The following KIAA0319L variants were observed in gnomAD, a reference collection of about 807,000 sequenced individuals.
KIAA0319L encodes the protein dyslexia-associated protein KIAA0319-like protein.
A neutral mutation model predicts 120.1 loss-of-function variants in KIAA0319L; 55 were observed. The observed-to-expected ratio is 0.46, with a 90% confidence interval of 0.37 to 0.57. The LOEUF is 0.57. Ranked by LOEUF, KIAA0319L falls within the 20% of genes least tolerant of loss-of-function variation. KIAA0319L has a pLI of 0.00. For missense variants in KIAA0319L, 1,049 were observed against 1,255.3 expected (o/e 0.84, Z 2.48); for synonymous variants, 398 against 471.9 (o/e 0.84, Z 2.03).
At chr1:35,439,595 A>G (rs1641051660) in intron 20 of KIAA0319L, 1 of 152,356 alleles carries the variant, frequency 6.6e-6, no homozygotes. Flanking sequence ...ATGTGAGAGA[A>G]AGGTGAGCAC....
At chr1:35,485,439 AT>A (rs1179214202) in intron 3 of KIAA0319L, among the ~76,000 whole-genome samples, 1 of 152,156 alleles carries the variant, frequency 6.6e-6, no homozygotes, top group Non-Finnish European at 1.5e-5. Flanking sequence ...CTATCTGTAT[AT>A]TGCCTGAGGA....
At chr1:35,517,917 A>G (rs780153197) in intron 2 of KIAA0319L, among the ~76,000 whole-genome samples, 3 of 152,240 alleles carry the variant, frequency 2.0e-5, no homozygotes, top group Non-Finnish European at 2.9e-5. Flanking sequence ...GGACATTAAC[A>G]CACACTTTTC....
intron 4 of KIAA0319L, among the ~76,000 whole-genome samples, chr1:35,477,666 C>CAA (rs34588440): frequency 1.8e-3 from 101 of 55,208 alleles, no homozygotes; most frequent in Middle Eastern, 0.01. Flanking sequence ...GACTCTGTCT[C>CAA]AAAAAAAAAA....
rs189191887 is a variant in KIAA0319L at position 35,474,298 on chromosome 1, A to T, written c.1015+507T>A. On this transcript the variant is annotated intron_variant, in intron 5 of 20. Coordinates refer to ENST00000325722, the MANE Select transcript of KIAA0319L (RefSeq NM_024874.5). ...TTATCTGTGTGAATCTAAGTAAATG[A>T]CTTCTCTTAATTTCCATTTCTTTCT... is the stretch of plus-strand genomic sequence containing the variant. Among the ~76,000 whole-genome samples the T allele has an allele frequency of 3.3e-3, 504 of 152,290 alleles. 2 individuals carry two copies. Among genetic ancestry groups the T allele is most frequent in the Non-Finnish European group, 4.6e-3 (316 of 68,028 alleles).
At chr1:35,488,708 A>C (rs1644477944) in intron 3 of KIAA0319L, among the ~76,000 whole-genome samples, 1 of 152,244 alleles carries the variant, frequency 6.6e-6, no homozygotes, top group African/African-American at 2.4e-5. Flanking sequence ...GGAAGAAGGA[A>C]AAGGACCAGG....
intron 3 of KIAA0319L, among the ~76,000 whole-genome samples, chr1:35,487,714 T>C (rs1330803291): frequency 6.6e-6 from 1 of 152,232 alleles, no homozygotes; most frequent in Non-Finnish European, 1.5e-5. Context: ...CCATAAGACT[T>C]CATATATCTG....
intron 9 of KIAA0319L, among the ~76,000 whole-genome samples, chr1:35,459,895 A>G (rs1270098951): frequency 4.6e-5 from 7 of 152,216 alleles, no homozygotes; most frequent in Non-Finnish European, 8.8e-5. Context: ...ACCACTAGTC[A>G]AACATAAAGA....
At chr1:35,542,685 CACTA>C (rs1357218808) in intron 2 of KIAA0319L, among the ~76,000 whole-genome samples, 1 of 152,218 alleles carries the variant, frequency 6.6e-6, no homozygotes, top group Non-Finnish European at 1.5e-5. Flanking sequence ...AGTGTCCAAA[CACTA>C]ACCACACACA....
intron 2 of KIAA0319L, among the ~76,000 whole-genome samples, chr1:35,519,578 G>A (rs1416892461): frequency 6.6e-6 from 1 of 152,122 alleles, no homozygotes; most frequent in African/African-American, 2.4e-5. Flanking sequence ...TGACCTTCCT[G>A]AACCTCACAC....
Position 35,554,431 on chromosome 1 carries a change from A to G in KIAA0319L, c.61T>C (p.Trp21Arg). 6.2e-7 allele frequency: 1 copy of G among 1,613,450 alleles called. No homozygotes were observed. Among genetic ancestry groups the G allele is most frequent in the Non-Finnish European group, 8.5e-7 (1 of 1,179,808 alleles). ...PASWILSGYY[W>R]QTSAKWLRSL... The stretch of plus-strand genomic sequence containing the variant: ...CTCAACCACTTCGCAGATGTCTGCC[A>G]ATAATATCCTGATAAAATCCAGGAA... The change falls in exon 2 of 21, where the codon TGG becomes CGG. Residue 21 changes from tryptophan (W) to arginine (R), a missense_variant. Trp to Arg is a moderately radical substitution (Grantham distance 101). Transcript: ENST00000325722.
chr1:35,492,319 G>A (rs182916917), intron 3 of KIAA0319L, among the ~76,000 whole-genome samples: 1 of 152,060 alleles, frequency 6.6e-6, no homozygotes, highest in Admixed American at 6.5e-5. Context: ...TTCAAGACCA[G>A]CCTGACCAAT....
intron 2 of KIAA0319L, among the ~76,000 whole-genome samples, chr1:35,553,615 G>A (rs1647482566): frequency 6.6e-6 from 1 of 152,190 alleles, no homozygotes; most frequent in South Asian, 2.1e-4. Flanking sequence ...AAGGTTTTTG[G>A]TCACTGGCCA....
intron 19 of KIAA0319L, 104 bp downstream of exon 19, chr1:35,442,142 A>G: frequency 1.2e-6 from 1 of 858,326 alleles, no homozygotes. Context: ...ATGCTGACTA[A>G]GGACCCAGCC....
In KIAA0319L at chr1:35,471,944, A is replaced by G. The variant is rs571625409; in HGVS notation, c.1016-984T>C. ...CTCCAAAACAAGAATTTTTTTGGCC[A>G]GTTGTCAGCGCCAACAGCTCTCACA... is the stretch of plus-strand genomic sequence containing the variant. On this transcript the variant is annotated intron_variant, in intron 5 of 20. Transcript: ENST00000325722. Among the ~76,000 whole-genome samples the G allele has an allele frequency of 4.6e-5, 7 of 152,252 alleles. No individual in the cohort carries two copies. In the South Asian group the frequency reaches 1.0e-3, roughly 23 times the overall value.
At chr1:35,455,573 ATTTTTTTTT>A (rs551358599) in intron 10 of KIAA0319L, among the ~76,000 whole-genome samples, 1 of 93,468 alleles carries the variant, frequency 1.1e-5, no homozygotes. Flanking sequence ...ATTTAAGATA[ATTTTTTTTT>A]TTTTTTTTTT....
intron 16 of KIAA0319L, among the ~76,000 whole-genome samples, chr1:35,444,966 C>T (rs1192153812): frequency 6.6e-6 from 1 of 152,202 alleles, no homozygotes; most frequent in Non-Finnish European, 1.5e-5. Flanking sequence ...AGTACCAAGT[C>T]TGTTCTATGC....
intron 3 of KIAA0319L, among the ~76,000 whole-genome samples, chr1:35,482,536 T>C (rs1433995369): frequency 6.6e-6 from 1 of 151,448 alleles, no homozygotes; most frequent in African/African-American, 2.4e-5. Context: ...TTCAAGCGAT[T>C]CTCCTGCCTC....
At chr1:35,495,101 G>A (rs146736157) in intron 3 of KIAA0319L, among the ~76,000 whole-genome samples, 3,256 of 152,090 alleles carry the variant, frequency 0.021, 109 homozygotes, top group African/African-American at 0.073. Context: ...AGCCAGGTGC[G>A]GTGGCTCATG....
chr1:35,514,359 G>C (rs1645592925), intron 2 of KIAA0319L, among the ~76,000 whole-genome samples: 1 of 142,980 alleles, frequency 7.0e-6, no homozygotes. Flanking sequence ...ATCGATGCTA[G>C]GGATTAAAAA....
Sources: gnomAD v4.1 joint callset for allele counts (sites outside exome capture counted in the v4.1 genomes callset) on GRCh38, gnomAD v4.1.1 for gene constraint, MANE v1.5 for transcripts, NCBI Gene and HGNC (gene_info 2026-07-23, HGNC 2026-07-21) for gene names.